Variants in AMOTL1 observed in about 807,000 individuals in gnomAD.
AMOTL1 encodes angiomotin like 1, also known as angiomotin-like protein 1.
A neutral mutation model predicts 102.9 loss-of-function variants in AMOTL1; 45 were observed. The ratio of observed to expected loss-of-function variants is 0.44; its 90% CI spans 0.34 to 0.56. The LOEUF is 0.56. Among genes scored for constraint, AMOTL1 ranks in the 20% least tolerant of loss-of-function variants. The pLI is 0.01. For synonymous variants in AMOTL1, 481 were observed against 484.7 expected, an observed-to-expected ratio of 0.99 and a Z score of 0.10; for missense variants, 1,114 against 1,225.6, an observed-to-expected ratio of 0.91 and a Z score of 1.36.
At chr11:94,736,108 G>A (rs1251399456) in intron 2 of AMOTL1, among the ~76,000 whole-genome samples, 3 of 152,200 alleles carry the variant, frequency 2.0e-5, no homozygotes, top group Non-Finnish European at 2.9e-5. Flanking sequence ...TAATAAATAT[G>A]CTTCCCTAGA....
At chr11:94,844,928 A>G (rs1952377835) in intron 6 of AMOTL1, among the ~76,000 whole-genome samples, 2 of 152,202 alleles carry the variant, frequency 1.3e-5, no homozygotes, top group East Asian at 3.8e-4. Flanking sequence ...TGGGGTAGGG[A>G]AAAACTTCTC....
intron 3 of AMOTL1, among the ~76,000 whole-genome samples, chr11:94,750,423 C>T (rs563709251): frequency 1.3e-5 from 2 of 152,322 alleles, no homozygotes; most frequent in South Asian, 4.2e-4. Flanking sequence ...GACTGGTTTC[C>T]CAGGGTCCTA....
At position 94,799,721 on chromosome 11, in the gene AMOTL1, G is replaced by T. The variant is rs1022507677; in HGVS notation, c.531G>T (p.Arg177=). The T allele has an allele frequency of 6.2e-7, 1 of 1,613,618 alleles. No individual in the cohort carries two copies. The highest frequency in any genetic ancestry group is 8.5e-7 in the Non-Finnish European group (1 of 1,179,746). Residue 177 remains arginine, a synonymous_variant, in exon 3 of 13, where the codon CGG becomes CGT. Transcript: ENST00000433060. This position sits in a 1 kb window ranked among gnomAD's most constrained non-coding sequence, Gnocchi z 4.5. ...ATACGGTGATGGAGAAACAGGTCCGGTCCACGCAGCCTCAGCAGAACAACG... is the reference window on the plus strand; with the variant it reads ...ATACGGTGATGGAGAAACAGGTCCGTTCCACGCAGCCTCAGCAGAACAACG... ...VDNTVMEKQV[R]STQPQQNNEE...
intron 3 of AMOTL1, among the ~76,000 whole-genome samples, chr11:94,806,140 T>A (rs1951564181): frequency 1.3e-5 from 2 of 152,172 alleles, no homozygotes; most frequent in Admixed American, 6.5e-5. Flanking sequence ...ACAAGTAAAG[T>A]GGGGGCAGCC....
intron 1 of AMOTL1, among the ~76,000 whole-genome samples, chr11:94,716,098 G>A (rs1227575776): frequency 1.3e-5 from 2 of 151,896 alleles, no homozygotes; most frequent in Non-Finnish European, 2.9e-5. Flanking sequence ...TTGTCCTTAA[G>A]TTCACTGATT....
In AMOTL1 at chr11:94,795,161, G is replaced by C; in HGVS notation, c.199+1G>C. On this transcript the variant is annotated splice_donor_variant, in intron 2 of 12. Coordinates refer to ENST00000433060, the MANE Select transcript of AMOTL1 (RefSeq NM_130847.3). LOFTEE classifies it high-confidence loss of function. ...ACCAGTAGCATCAGGGAAAAAGTTG[G>C]TAAGTCCTTTTACCGGCACTTGTGT... is the stretch of plus-strand genomic sequence containing the variant. 6.2e-7 allele frequency: 1 copy of C among 1,613,352 alleles called. No homozygotes were observed. The highest frequency in any genetic ancestry group is 8.5e-7 in the Non-Finnish European group (1 of 1,179,706).
At position 94,872,325 on chromosome 11, in the gene AMOTL1, G is replaced by A. The variant is rs1194261971; in HGVS notation, c.*1530G>A. 1 of 152,126 alleles carries A rather than the reference G, an allele frequency of 6.6e-6. No homozygotes were observed. Among genetic ancestry groups the A allele is most frequent in the South Asian group, 2.1e-4 (1 of 4,820 alleles). The allele number at this position is 152,126 out of a possible 1,614,324, so 9.4% of individuals were successfully genotyped here. ...GCTCCTACAGGGTCCTGATGTTTTT[G>A]TACCTCCAGGTCAGCTGGATCGCTG... On this transcript the variant is annotated 3_prime_UTR_variant, in exon 13 of 13. Coordinates refer to ENST00000433060, the MANE Select transcript of AMOTL1 (RefSeq NM_130847.3).
intron 3 of AMOTL1, among the ~76,000 whole-genome samples, chr11:94,810,625 C>A (rs1591989917): frequency 6.6e-6 from 1 of 151,946 alleles, no homozygotes; most frequent in Non-Finnish European, 1.5e-5. Context: ...GAGGTTTCTC[C>A]CCAAAAGGGA....
At position 94,864,334 on chromosome 11, in the gene AMOTL1, A is replaced by T. The variant is rs1330620971; in HGVS notation, c.2136-401A>T. Among the ~76,000 whole-genome samples, 5 of 152,164 alleles carry T rather than the reference A, an allele frequency of 3.3e-5. No homozygotes were observed. In the East Asian group the frequency reaches 9.6e-4, roughly 29 times the overall value. On this transcript the variant is annotated intron_variant, in intron 9 of 12. Transcript: ENST00000433060. ...GGTGCCCATTTTACATATTCATAAC[A>T]TGCCATGTAGCTACATACATAATGT... is the stretch of plus-strand genomic sequence containing the variant.
exon 2 of AMOTL1, chr11:94,728,970 C>T: frequency 2.3e-6 from 3 of 1,288,998 alleles, no homozygotes; most frequent in Middle Eastern, 2.1e-4. Flanking sequence ...GGGCTAGAAG[C>T]ATGGACCTCA....
chr11:94,709,811 T>A (rs886689679), intron 1 of AMOTL1, among the ~76,000 whole-genome samples: 1 of 152,072 alleles, frequency 6.6e-6, no homozygotes, highest in Non-Finnish European at 1.5e-5. Context: ...TTATGTAGCA[T>A]TAGATAATGG....
intron 2 of AMOTL1, among the ~76,000 whole-genome samples, chr11:94,731,521 G>A (rs552595413): frequency 4.6e-5 from 7 of 152,246 alleles, no homozygotes; most frequent in Admixed American, 1.3e-4. Flanking sequence ...ACTGGCACTC[G>A]GAGAGGAAGT....
intron 1 of AMOTL1, among the ~76,000 whole-genome samples, chr11:94,768,773 G>A (rs1273508968): frequency 1.3e-5 from 2 of 152,080 alleles, no homozygotes; most frequent in African/African-American, 4.8e-5. Context: ...GCGTCTTGCC[G>A]CCCCGCGACC....
chr11:94,752,899 TTGTC>T (rs1236168517), intron 3 of AMOTL1, among the ~76,000 whole-genome samples: 3 of 152,196 alleles, frequency 2.0e-5, no homozygotes, highest in Admixed American at 2.0e-4. Context: ...CAGGGCTCCT[TTGTC>T]TGTCTCCCAA....
chr11:94,793,468 G>C (rs1951318767), intron 1 of AMOTL1, among the ~76,000 whole-genome samples: 2 of 152,214 alleles, frequency 1.3e-5, no homozygotes, highest in South Asian at 4.1e-4. Flanking sequence ...ATAGATCTGG[G>C]TGGTTCCTGG....
At chr11:94,847,925 A>G (rs1382857740) in intron 6 of AMOTL1, among the ~76,000 whole-genome samples, 1 of 152,150 alleles carries the variant, frequency 6.6e-6, no homozygotes, top group African/African-American at 2.4e-5. Flanking sequence ...TCTGGTCAAC[A>G]TTAGTGTATA....
At chr11:94,768,156 G>A (rs1384475305), upstream of AMOTL1, among the ~76,000 whole-genome samples, 1 of 152,204 alleles carries the variant, frequency 6.6e-6, no homozygotes, top group African/African-American at 2.4e-5. Flanking sequence ...AAGTCTCAGG[G>A]AGACACGTCA....
chr11:94,834,186 A>G (rs1158586322), intron 6 of AMOTL1, among the ~76,000 whole-genome samples: 2 of 152,204 alleles, frequency 1.3e-5, no homozygotes, highest in East Asian at 3.8e-4. Flanking sequence ...TCAAACACCT[A>G]GTGATTATAA....
intron 1 of AMOTL1, among the ~76,000 whole-genome samples, chr11:94,707,384 T>C (rs983620954): frequency 1.3e-5 from 2 of 152,066 alleles, no homozygotes; most frequent in African/African-American, 2.4e-5. Flanking sequence ...ACAACTCTTA[T>C]CAGCTTTGGA....
Sources: allele counts gnomAD v4.1 joint callset (sites outside exome capture counted in the v4.1 genomes callset), GRCh38; gene constraint gnomAD v4.1.1; non-coding constraint Gnocchi (gnomAD v3.1); transcripts MANE v1.5; gene names NCBI Gene and HGNC (gene_info 2026-07-23, HGNC 2026-07-21).